CACNB1: variants seen among roughly 807,000 people sequenced by gnomAD.
CACNB1 encodes voltage-dependent L-type calcium channel subunit beta-1.
A neutral mutation model predicts 71.6 loss-of-function variants in CACNB1; 29 were observed. That is an observed-to-expected ratio of 0.40 (90% CI 0.30 to 0.55). CACNB1 has a LOEUF of 0.55. Ranked by LOEUF, CACNB1 falls within the 20% of genes least tolerant of loss-of-function variation. CACNB1 has a pLI of 0.38. For synonymous variants in CACNB1, 300 were observed against 319.6 expected, an observed-to-expected ratio of 0.94 and a Z score of 0.65; for missense variants, 623 against 801.8, an observed-to-expected ratio of 0.78 and a Z score of 2.69.
rs1208627821 is a variant in CACNB1 at position 39,186,111 on chromosome 17, C to T, written c.628+385G>A. 5.6e-6 allele frequency: 9 copies of T among 1,612,938 alleles called. No homozygotes were observed. Among genetic ancestry groups the T allele is most frequent in the Non-Finnish European group, 5.1e-6 (6 of 1,179,392 alleles). ...AAGTTAGTCATTTCATTACCTGGACCGGAGAGTCAGGAGAGAGGGAGGAGG... is the reference window on the plus strand; with the variant it reads ...AAGTTAGTCATTTCATTACCTGGACTGGAGAGTCAGGAGAGAGGGAGGAGG... On this transcript the variant is annotated intron_variant, in intron 6 of 13. Coordinates refer to ENST00000394303, the MANE Select transcript of CACNB1 (RefSeq NM_000723.5). The surrounding 1 kb of genome is among the most constrained non-coding windows in gnomAD (Gnocchi z 4.1).
In CACNB1 at chr17:39,178,055, G is replaced by A. The variant is rs2144087499; in HGVS notation, c.1075C>T (p.Arg359Ter). 6.2e-7 allele frequency: 1 copy of A among 1,614,046 alleles called. No individual in the cohort carries two copies. The highest frequency in any genetic ancestry group is 8.5e-7 in the Non-Finnish European group (1 of 1,179,934). The stretch of plus-strand genomic sequence containing the variant: ...AGGTGTTTGGACTGAGACTTTCCTC[G>A]GGACTTGATGAGCCTTTGAAGTACC... Reference protein sequence around the residue: ...PKVLQRLIKSRGKSQSKHLNV... With the variant: ...PKVLQRLIKS The change falls in exon 12 of 14, where the codon CGA (arginine) becomes TGA (stop). Residue 359 changes from arginine to a stop codon, truncating the protein, a stop_gained. Coordinates refer to ENST00000394303, the MANE Select transcript of CACNB1 (RefSeq NM_000723.5). LOFTEE classifies it high-confidence loss of function.
Position 39,186,678 on chromosome 17 carries a change from A to G in CACNB1, c.552-106T>C. On this transcript the variant is annotated intron_variant, in intron 5 of 13. Transcript: ENST00000394303. The surrounding 1 kb of genome is among the most constrained non-coding windows in gnomAD (Gnocchi z 4.1). ...CGGAGGTGCTCCAGCCCCACTGGTG[A>G]TGCCACAGGCAGCTCTGTGCCCTCA... The G allele has an allele frequency of 6.6e-7, 1 of 1,525,180 alleles. No individual in the cohort carries two copies. 94.5% of individuals were successfully genotyped at this position (1,525,180 alleles called of 1,614,324 possible). A position where few individuals can be genotyped will look rare whatever the true frequency, so the allele number is the denominator to read the frequency against.
In CACNB1 at chr17:39,184,338, G is replaced by A. The variant is rs781670933; in HGVS notation, c.775C>T (p.Arg259Trp). 7 of 1,419,520 alleles carry A rather than the reference G, an allele frequency of 4.9e-6. No individual in the cohort carries two copies. Among genetic ancestry groups the A allele is most frequent in the South Asian group, 3.6e-5 (3 of 82,722 alleles). The allele number at this position is 1,419,520 out of a possible 1,614,324, so 87.9% of individuals were successfully genotyped here. ...CCAGGATCTTACCTGCCATCAAACC[G>A]ATGCTTCAAGAAGTCAAATAAAGCT... ...QKALFDFLKH[R>W]FDGRISITRV... The change falls in exon 9 of 14, where the codon CGG (arginine) becomes TGG (tryptophan). Residue 259 changes from arginine (R) to tryptophan (W), a missense_variant. Transcript: ENST00000394303.
In CACNB1 at chr17:39,197,550, C is replaced by A. The variant is rs2046228132; in HGVS notation, c.-55G>T. ...CCGGCCCAGCCGGGCTCCCTCAGCG[C>A]ATGGGAGAGGCCGTGGGAGCCGAAA... On this transcript the variant is annotated 5_prime_UTR_variant, in exon 1 of 14. An upstream start codon of the reference 5' UTR is lost. Coordinates refer to ENST00000394303, the MANE Select transcript of CACNB1 (RefSeq NM_000723.5). 7.4e-7 allele frequency: 1 copy of A among 1,342,600 alleles called. No homozygotes were observed. The highest frequency in any genetic ancestry group is 1.0e-6 in the Non-Finnish European group (1 of 1,000,828). 83.2% of individuals were successfully genotyped at this position (1,342,600 alleles called of 1,614,324 possible).
intron 12 of CACNB1, 131 bp downstream of exon 12, chr17:39,177,853 A>G (rs2144086184): frequency 1.3e-6 from 1 of 755,630 alleles, no homozygotes; most frequent in Non-Finnish European, 2.3e-6. Context: ...CGCTCTTCCC[A>G]GAAGACCAGT....
At position 39,186,760 on chromosome 17, in the gene CACNB1, G is replaced by A; in HGVS notation, c.551+33C>T. Reference sequence around the variant, plus strand: ...GGCTGTATGGCCTCTCCTGGGGTTGGCAGCATCCCCTTCCCCTGCCCCACC... The same window carrying A: ...GGCTGTATGGCCTCTCCTGGGGTTGACAGCATCCCCTTCCCCTGCCCCACC... On this transcript the variant is annotated intron_variant, in intron 5 of 13. Coordinates refer to ENST00000394303, the MANE Select transcript of CACNB1 (RefSeq NM_000723.5). The surrounding 1 kb of genome is among the most constrained non-coding windows in gnomAD (Gnocchi z 4.1). 6.2e-7 allele frequency: 1 copy of A among 1,611,958 alleles called. No homozygotes were observed. Among genetic ancestry groups the A allele is most frequent in the Non-Finnish European group, 8.5e-7 (1 of 1,178,918 alleles).
At chr17:39,178,385 GTT>G (rs75009744) in intron 11 of CACNB1, 21 of 169,060 alleles carry the variant, frequency 1.2e-4, no homozygotes, top group South Asian at 3.6e-4. Context: ...CTTTTTTTTT[GTT>G]TTTTTTTTTT....
At chr17:39,187,707 G>C (rs2045975409) in intron 3 of CACNB1, 106 bp from the exon 4 acceptor site, 2 of 1,325,514 alleles carry the variant, frequency 1.5e-6, no homozygotes, top group Admixed American at 3.5e-5. Flanking sequence ...CTTTATAATA[G>C]TTCCTTGAAA....
chr17:39,175,026 C>T lies in CACNB1; in HGVS notation c.*167G>A, dbSNP rs2045540045. 2 of 634,686 alleles carry T rather than the reference C, an allele frequency of 3.2e-6. No individual in the cohort carries two copies. The highest frequency in any genetic ancestry group is 5.4e-6 in the Non-Finnish European group (2 of 368,458). The allele number at this position is 634,686 out of a possible 1,614,324, so 39.3% of individuals were successfully genotyped here. The stretch of plus-strand genomic sequence containing the variant: ...CGACAGCTGGGGCTTAAGGGCCTCC[C>T]GGGAGCTGGGATGGTAACACCAAAG... On this transcript the variant is annotated 3_prime_UTR_variant, in exon 14 of 14. Transcript: ENST00000394303. This position sits in a 1 kb window ranked among gnomAD's most constrained non-coding sequence, Gnocchi z 4.7.
At chr17:39,177,880 G>A in intron 12 of CACNB1, 104 bp downstream of exon 12, 1 of 917,364 alleles carries the variant, frequency 1.1e-6, no homozygotes, top group Non-Finnish European at 1.8e-6. Context: ...CCACAGGCCT[G>A]ACCCAGGTGT....
At chr17:39,184,537 C>A (rs1020981733) in intron 8 of CACNB1, among the ~76,000 whole-genome samples, 154 bp from the exon 9 acceptor site, 1 of 152,000 alleles carries the variant, frequency 6.6e-6, no homozygotes, top group East Asian at 1.9e-4. Flanking sequence ...GGGGCCTCCA[C>A]TGGGGTCTCT....
chr17:39,176,048 T>C (rs1457789898), intron 13 of CACNB1, among the ~76,000 whole-genome samples: 5 of 152,080 alleles, frequency 3.3e-5, no homozygotes, highest in East Asian at 1.9e-4. Flanking sequence ...TTGCCTTTGG[T>C]TTTCCAAATA....
Position 39,187,407 on chromosome 17 carries a change from C to G in CACNB1, c.414+72G>C, listed in dbSNP as rs565538960. 452 of 1,577,862 alleles carry G rather than the reference C, an allele frequency of 2.9e-4. 1 individual carries two copies. The highest frequency in any genetic ancestry group is 1.3e-3 in the South Asian group (113 of 89,656). On this transcript the variant is annotated intron_variant, in intron 4 of 13. Coordinates refer to ENST00000394303, the MANE Select transcript of CACNB1 (RefSeq NM_000723.5). ...AGCCTGGCTCTGCTTGGCTCAGAAG[C>G]CTTTTGTCCACTAGCACTCTGGCTG... is the stretch of plus-strand genomic sequence containing the variant.
intron 11 of CACNB1, 81 bp from the exon 12 acceptor site, chr17:39,178,160 G>T: frequency 9.8e-7 from 1 of 1,019,512 alleles, no homozygotes; most frequent in Non-Finnish European, 1.6e-6. Flanking sequence ...GTCCTGGTTG[G>T]ATCAGCATGG....
intron 6 of CACNB1, chr17:39,185,922 C>T (rs764509843): frequency 5.0e-6 from 8 of 1,602,520 alleles, no homozygotes; most frequent in South Asian, 1.1e-5. Context: ...GACTCCCCCA[C>T]CTCTTGCAAG....
In CACNB1 at chr17:39,189,984, G is replaced by A. The variant is rs1156508366; in HGVS notation, c.291+1490C>T. 4.6e-5 allele frequency among the ~76,000 whole-genome samples: 7 copies of A among 151,774 alleles called. No individual in the cohort carries two copies. The East Asian group carries it at 5.9e-4, about 13-fold the overall frequency. On this transcript the variant is annotated intron_variant, in intron 3 of 13. Transcript: ENST00000394303. ...AAAAAAATTAGCCGGGCATGGTGGC[G>A]GGCGCCTATAATCCCAGCTACTTGG...
intron 2 of CACNB1, chr17:39,193,385 C>T (rs748767367): frequency 5.0e-6 from 2 of 402,350 alleles, no homozygotes; most frequent in African/African-American, 2.1e-5. Context: ...GTAAAGGCTG[C>T]CCTCCGTCAG....
At chr17:39,178,374 C>T (rs1250856317) in intron 11 of CACNB1, 3 of 227,274 alleles carry the variant, frequency 1.3e-5, no homozygotes, top group Non-Finnish European at 2.5e-5. Context: ...CGCCCACTCT[C>T]CTTTTTTTTT....
At position 39,187,718 on chromosome 17, in the gene CACNB1, T is replaced by G. The variant is rs142588230; in HGVS notation, c.292-117A>C. Reference sequence around the variant, plus strand: ...TTTACTTTATAATAGTTCCTTGAAATGTGTATGGACATGGGCAGGGTGTGG... The same window carrying G: ...TTTACTTTATAATAGTTCCTTGAAAGGTGTATGGACATGGGCAGGGTGTGG... On this transcript the variant is annotated intron_variant, in intron 3 of 13. Transcript: ENST00000394303. 9,025 of 1,228,974 alleles carry G rather than the reference T, an allele frequency of 7.3e-3. 64 individuals carry two copies. The highest frequency in any genetic ancestry group is 9.4e-3 in the Non-Finnish European group (7,998 of 851,584). 76.1% of individuals were successfully genotyped at this position (1,228,974 alleles called of 1,614,324 possible).
Sources: allele counts gnomAD v4.1 joint callset (sites outside exome capture counted in the v4.1 genomes callset), GRCh38; gene constraint gnomAD v4.1.1; non-coding constraint Gnocchi (gnomAD v3.1); transcripts MANE v1.5; gene names NCBI Gene and HGNC (gene_info 2026-07-23, HGNC 2026-07-21).